DISC1: variants seen among roughly 807,000 people sequenced by gnomAD.
DISC1 encodes disrupted in schizophrenia 1 protein.
DISC1 carries 57 observed loss-of-function variants against 84.5 expected under a neutral mutation model. The ratio of observed to expected loss-of-function variants is 0.67; its 90% confidence interval spans 0.55 to 0.84. The LOEUF (loss-of-function observed/expected upper bound fraction) is 0.84, where lower values mean the gene tolerates loss of function less well. Among genes scored for constraint, DISC1 ranks in the 40% least tolerant of loss-of-function variants. The pLI is 0.00. For missense variants in DISC1, 1,000 were observed against 1,057.8 expected, an observed-to-expected ratio of 0.95 and a Z score of 0.76; for synonymous variants, 411 against 415.2, an observed-to-expected ratio of 0.99 and a Z score of 0.12.
intron 4 of DISC1, among the ~76,000 whole-genome samples, chr1:231,762,666 A>G (rs989487581): frequency 1.3e-5 from 2 of 151,908 alleles, no homozygotes; most frequent in African/African-American, 4.8e-5. Flanking sequence ...CTTTCATCAG[A>G]AAGTGAGTGC....
At chr1:232,015,626 A>G (rs945049551) in intron 11 of DISC1, among the ~76,000 whole-genome samples, 1 of 152,168 alleles carries the variant, frequency 6.6e-6, no homozygotes, top group African/African-American at 2.4e-5. Flanking sequence ...TCCACTCCCC[A>G]GGAGCTTCCG....
chr1:231,773,541 C>A (rs1390406599), intron 6 of DISC1, among the ~76,000 whole-genome samples: 1 of 151,920 alleles, frequency 6.6e-6, no homozygotes, highest in Non-Finnish European at 1.5e-5. Context: ...TGTGCCAGCA[C>A]ACCCAGCTAA....
intron 9 of DISC1, among the ~76,000 whole-genome samples, chr1:231,836,711 C>T (rs987930604): frequency 1.3e-5 from 2 of 152,204 alleles, no homozygotes; most frequent in African/African-American, 4.8e-5. Context: ...TATCTATCCA[C>T]ACATTCACTT....
intron 4 of DISC1, among the ~76,000 whole-genome samples, chr1:231,761,484 T>C (rs918294661): frequency 5.9e-5 from 9 of 152,212 alleles, no homozygotes; most frequent in African/African-American, 2.2e-4. Flanking sequence ...TGTGGATCCC[T>C]TTCTCTACCT....
chr1:232,036,842 G>C lies in DISC1; in HGVS notation c.*11G>C. On this transcript the variant is annotated 3_prime_UTR_variant, in exon 13 of 13. Transcript: ENST00000439617. ...GAAGCACAAGCCTGAGGAGTGACGG[G>C]ATGGGGGAGGGAGGTGGGCCACCAT... 6.6e-7 allele frequency: 1 copy of C among 1,511,204 alleles called. No homozygotes were observed. The highest frequency in any genetic ancestry group is 1.2e-5 in the South Asian group (1 of 80,646). 93.6% of individuals were successfully genotyped at this position (1,511,204 alleles called of 1,614,324 possible).
intron 1 of DISC1, among the ~76,000 whole-genome samples, chr1:231,661,831 C>CTCTTCT (rs1293497247): frequency 6.6e-6 from 1 of 152,202 alleles, no homozygotes; most frequent in African/African-American, 2.4e-5. Flanking sequence ...GCCACTCTGG[C>CTCTTCT]TTTTTGAGTT....
chr1:231,968,418 A>T (rs1274827194), intron 10 of DISC1, among the ~76,000 whole-genome samples: 1 of 152,028 alleles, frequency 6.6e-6, no homozygotes, highest in Non-Finnish European at 1.5e-5. Context: ...GAGCAGACGT[A>T]CCAGTCACAG....
At chr1:232,030,589 GT>G (rs1669914367) in intron 12 of DISC1, among the ~76,000 whole-genome samples, 1 of 152,158 alleles carries the variant, frequency 6.6e-6, no homozygotes, top group Non-Finnish European at 1.5e-5. Context: ...AGTTTTGGTG[GT>G]GCTTGAGGGC....
chr1:231,829,943 G>A (rs2082116113), intron 9 of DISC1, among the ~76,000 whole-genome samples: 1 of 152,142 alleles, frequency 6.6e-6, no homozygotes, highest in Non-Finnish European at 1.5e-5. Context: ...ACCAGATAAT[G>A]TCATCTGTTA....
At chr1:231,749,834 G>A (rs1006244014) in intron 3 of DISC1, 92 bp from the exon 4 acceptor site, 33 of 1,556,430 alleles carry the variant, frequency 2.1e-5, no homozygotes, top group Non-Finnish European at 2.7e-5. Context: ...TAAGGCAAAG[G>A]TTCACTACAA....
In DISC1 at chr1:232,034,566, A is replaced by T. The variant is rs1456265761; in HGVS notation, c.2426-2126A>T. Among the ~76,000 whole-genome samples, 7 of 152,240 alleles carry T rather than the reference A, an allele frequency of 4.6e-5. No homozygotes were observed. In the East Asian group the frequency reaches 1.2e-3, roughly 25 times the overall value. Reference sequence around the variant, plus strand: ...TTTAACCTTTTCAGTGGGTTCTGCCAGTTCCAGAAGATTTATCAGTTTTTA... The same window carrying T: ...TTTAACCTTTTCAGTGGGTTCTGCCTGTTCCAGAAGATTTATCAGTTTTTA... On this transcript the variant is annotated intron_variant, in intron 12 of 12. Coordinates refer to ENST00000439617, the MANE Select transcript of DISC1 (RefSeq NM_018662.3).
At chr1:231,987,343 C>T (rs914696096) in intron 10 of DISC1, among the ~76,000 whole-genome samples, 21 of 152,336 alleles carry the variant, frequency 1.4e-4, no homozygotes, top group Middle Eastern at 3.4e-3. Flanking sequence ...TTGCCTTCAT[C>T]GTCAGCTGAA....
At chr1:231,659,203 T>A (rs1281740198) in intron 1 of DISC1, among the ~76,000 whole-genome samples, 2 of 152,174 alleles carry the variant, frequency 1.3e-5, no homozygotes, top group African/African-American at 4.8e-5. Flanking sequence ...CCTGGTTCAG[T>A]CTTGGGAGGG....
chr1:231,849,920 G>C (rs981944612), intron 9 of DISC1, among the ~76,000 whole-genome samples: 1 of 152,150 alleles, frequency 6.6e-6, no homozygotes, highest in African/African-American at 2.4e-5. Flanking sequence ...GATCCTTATT[G>C]CATTCAGTGG....
chr1:231,951,775 A>C (rs1317119986), intron 9 of DISC1, among the ~76,000 whole-genome samples: 1 of 152,118 alleles, frequency 6.6e-6, no homozygotes, highest in Non-Finnish European at 1.5e-5. Context: ...GCATTTAAGG[A>C]ACATTAGAGG....
chr1:231,690,162 C>T (rs912942073), intron 1 of DISC1, among the ~76,000 whole-genome samples: 2 of 152,154 alleles, frequency 1.3e-5, no homozygotes, highest in Admixed American at 1.3e-4. Context: ...TTTCACTTCC[C>T]TCCAATCAGA....
At chr1:231,873,766 T>A (rs2085640718) in intron 9 of DISC1, among the ~76,000 whole-genome samples, 2 of 152,310 alleles carry the variant, frequency 1.3e-5, no homozygotes, top group African/African-American at 2.4e-5. Context: ...GAAGAGAAAG[T>A]TGTCAGAGGG....
At chr1:231,959,029 A>G (rs1660021928) in intron 10 of DISC1, 141 bp downstream of exon 10, 3 of 1,427,636 alleles carry the variant, frequency 2.1e-6, no homozygotes, top group Non-Finnish European at 2.7e-6. Flanking sequence ...AGCCTTTTGA[A>G]CCCCATCAGT....
intron 10 of DISC1, among the ~76,000 whole-genome samples, chr1:231,985,287 T>C (rs997200228): frequency 2.7e-5 from 4 of 148,340 alleles, no homozygotes; most frequent in African/African-American, 7.5e-5. Context: ...GATTGTGCCA[T>C]TGCACTCCAA....
Sources: gnomAD v4.1 joint callset for allele counts (sites outside exome capture counted in the v4.1 genomes callset) on GRCh38, gnomAD v4.1.1 for gene constraint, MANE v1.5 for transcripts, NCBI Gene and HGNC (gene_info 2026-07-23, HGNC 2026-07-21) for gene names.